ADK: variants seen among roughly 807,000 people sequenced by gnomAD.
ADK encodes N6,N6-dimethyladenosine kinase.
Under a neutral mutation model 44.7 loss-of-function variants are expected in ADK, and 24 were observed. That is an observed-to-expected ratio of 0.54 (90% CI 0.39 to 0.76). ADK has a LOEUF of 0.76. Among genes scored for constraint, ADK ranks in the 30% least tolerant of loss-of-function variants. The pLI is 0.00. For missense variants in ADK, 321 were observed against 425.1 expected, an observed-to-expected ratio of 0.76 and a Z score of 2.15; for synonymous variants, 128 against 142.6, an observed-to-expected ratio of 0.90 and a Z score of 0.73.
In ADK at chr10:74,244,356, T is replaced by G. The variant is rs1399641229; in HGVS notation, c.194+19765T>G. On this transcript the variant is annotated intron_variant, in intron 3 of 10. Transcript: ENST00000539909. Reference sequence around the variant, plus strand: ...GAACTTCAAAAAAGTGTATGGAAGATCTAGAATATTTGGGCATTGTATTTT... The same window carrying G: ...GAACTTCAAAAAAGTGTATGGAAGAGCTAGAATATTTGGGCATTGTATTTT... Among the ~76,000 whole-genome samples, 3 of 152,214 alleles carry G rather than the reference T, an allele frequency of 2.0e-5. No homozygotes were observed. The East Asian group carries it at 5.8e-4, about 29-fold the overall frequency.
chr10:74,459,402 T>C (rs1846076324), intron 6 of ADK, among the ~76,000 whole-genome samples: 1 of 151,662 alleles, frequency 6.6e-6, no homozygotes, highest in Non-Finnish European at 1.5e-5. Context: ...GACATTAGAG[T>C]TCAGCAGGAC....
intron 2 of ADK, among the ~76,000 whole-genome samples, chr10:74,213,949 T>C (rs1843923625): frequency 6.6e-6 from 1 of 152,216 alleles, no homozygotes; most frequent in South Asian, 2.1e-4. Context: ...TGGCTAGTCA[T>C]TTTGAACAAT....
At chr10:74,231,882 C>G (rs1263447772) in intron 3 of ADK, among the ~76,000 whole-genome samples, 1 of 151,904 alleles carries the variant, frequency 6.6e-6, no homozygotes, top group Admixed American at 6.6e-5. Flanking sequence ...ATAAGAGTTA[C>G]CGTTTGTGCT....
At chr10:74,583,066 A>G (rs71473742) in intron 7 of ADK, among the ~76,000 whole-genome samples, 4,458 of 152,322 alleles carry the variant, frequency 0.029, 84 homozygotes, top group Non-Finnish European at 0.045. Context: ...GTATCATAAG[A>G]AAGTATATAA....
At chr10:74,306,276 T>C (rs936786876) in intron 3 of ADK, among the ~76,000 whole-genome samples, 2 of 152,126 alleles carry the variant, frequency 1.3e-5, no homozygotes, top group African/African-American at 2.4e-5. Flanking sequence ...ATTGAATTTT[T>C]AAATTCTAAT....
intron 6 of ADK, among the ~76,000 whole-genome samples, chr10:74,489,769 A>G (rs1240878755): frequency 2.0e-5 from 3 of 151,966 alleles, no homozygotes; most frequent in Non-Finnish European, 4.4e-5. Flanking sequence ...AATTAAACCA[A>G]TTTATATTTT....
At chr10:74,300,261 TCC>T (rs1839965866) in intron 3 of ADK, among the ~76,000 whole-genome samples, 1 of 43,308 alleles carries the variant, frequency 2.3e-5, no homozygotes, top group Non-Finnish European at 5.3e-5. Context: ...TCTCCTTGTT[TCC>T]TTCCTTCCTT....
chr10:74,339,538 C>T (rs1456258340), intron 4 of ADK, among the ~76,000 whole-genome samples: 1 of 152,176 alleles, frequency 6.6e-6, no homozygotes, highest in Non-Finnish European at 1.5e-5. Context: ...CATCTTACCT[C>T]TGACATAACT....
intron 9 of ADK, chr10:74,655,504 A>G: frequency 2.0e-6 from 1 of 490,416 alleles, no homozygotes; most frequent in South Asian, 1.6e-5. Context: ...TGGCTCACTC[A>G]GGGTGGCTTT....
At chr10:74,344,032 C>G (rs1158499127) in intron 4 of ADK, among the ~76,000 whole-genome samples, 1 of 152,158 alleles carries the variant, frequency 6.6e-6, no homozygotes, top group Non-Finnish European at 1.5e-5. Flanking sequence ...GAGACAAACT[C>G]CACTTGGTTA....
intron 4 of ADK, among the ~76,000 whole-genome samples, chr10:74,369,744 T>C (rs934320994): frequency 6.6e-6 from 1 of 152,218 alleles, no homozygotes; most frequent in African/African-American, 2.4e-5. Context: ...CAAGGATGTC[T>C]ACTTTCACTA....
At chr10:74,188,921 C>T (rs1288336837) in intron 1 of ADK, among the ~76,000 whole-genome samples, 2 of 151,976 alleles carry the variant, frequency 1.3e-5, no homozygotes, top group Non-Finnish European at 2.9e-5. Context: ...TATAGGCGTG[C>T]ACCACCACGC....
At chr10:74,356,012 T>G (rs1446070324) in intron 4 of ADK, among the ~76,000 whole-genome samples, 23 of 131,020 alleles carry the variant, frequency 1.8e-4, no homozygotes, top group African/African-American at 6.6e-4. Context: ...ATTTTTTTTT[T>G]TTTTTTTTTT....
At chr10:74,420,075 C>G (rs1367015970) in intron 6 of ADK, among the ~76,000 whole-genome samples, 3 of 152,134 alleles carry the variant, frequency 2.0e-5, no homozygotes, top group Non-Finnish European at 2.9e-5. Context: ...AAGTTCTTAA[C>G]TGATGATGAT....
At chr10:74,161,104 T>G (rs547308333) in intron 1 of ADK, among the ~76,000 whole-genome samples, 1 of 152,380 alleles carries the variant, frequency 6.6e-6, no homozygotes, top group Admixed American at 6.5e-5. Context: ...CACCTATTGC[T>G]ACTTGAAGTT....
intron 10 of ADK, among the ~76,000 whole-genome samples, chr10:74,695,039 T>C (rs2134278511): frequency 6.6e-6 from 1 of 152,264 alleles, no homozygotes; most frequent in South Asian, 2.1e-4. Context: ...AGAAGCCATC[T>C]TTTCCCCATG....
At chr10:74,397,012 C>T (rs754971784) in intron 5 of ADK, among the ~76,000 whole-genome samples, 43 of 151,254 alleles carry the variant, frequency 2.8e-4, no homozygotes, top group Non-Finnish European at 5.9e-4. Context: ...CTGTAGTTTC[C>T]CATCAAAAAG....
chr10:74,410,992 G>A (rs1844156710), intron 6 of ADK, among the ~76,000 whole-genome samples: 1 of 151,998 alleles, frequency 6.6e-6, no homozygotes, highest in African/African-American at 2.4e-5. Flanking sequence ...TTTTATCATT[G>A]TTCCAAGTGC....
chr10:74,213,534 GAA>G (rs67814329), intron 2 of ADK, among the ~76,000 whole-genome samples: 78,917 of 151,308 alleles, frequency 0.52, 21,776 homozygotes, highest in Non-Finnish European at 0.62. Flanking sequence ...TAAAAAAAAA[GAA>G]AGAGTAAAAA....
Sources: gnomAD v4.1 joint callset for allele counts (sites outside exome capture counted in the v4.1 genomes callset) on GRCh38, gnomAD v4.1.1 for gene constraint, MANE v1.5 for transcripts, NCBI Gene and HGNC (gene_info 2026-07-23, HGNC 2026-07-21) for gene names.